The following KDM5A variants were observed in gnomAD, a reference collection of about 807,000 sequenced individuals.
KDM5A encodes lysine demethylase 5A.
In KDM5A, 42 loss-of-function variants were observed where a neutral mutation model predicts 193.5. That is an observed-to-expected ratio of 0.22 (90% CI 0.17 to 0.28). KDM5A has a LOEUF of 0.28. Among genes scored for constraint, KDM5A ranks in the 10% least tolerant of loss-of-function variants. The pLI is 1.00. For missense variants in KDM5A, 1,692 were observed against 2,055.1 expected, an observed-to-expected ratio of 0.82 and a Z score of 3.42; for synonymous variants, 796 against 718.1, an observed-to-expected ratio of 1.11 and a Z score of -1.73.
At chr12:324,123 A>G (rs796228272) in intron 14 of KDM5A, among the ~76,000 whole-genome samples, 3 of 152,104 alleles carry the variant, frequency 2.0e-5, no homozygotes, top group East Asian at 1.9e-4. Flanking sequence ...CCGGGGCAAC[A>G]AAGTGAGCAT....
At chr12:328,802 A>G (rs757380967) in intron 14 of KDM5A, 33 bp downstream of exon 14, 7 of 1,601,886 alleles carry the variant, frequency 4.4e-6, no homozygotes, top group Non-Finnish European at 6.0e-6. Flanking sequence ...CATAAGCAGT[A>G]TCAAACATAG....
chr12:300,326 A>G (rs1400644980), intron 24 of KDM5A, among the ~76,000 whole-genome samples: 1 of 152,156 alleles, frequency 6.6e-6, no homozygotes, highest in Non-Finnish European at 1.5e-5. Flanking sequence ...AAATAATAAC[A>G]AACAGTCTCT....
rs1565519337 is a variant in KDM5A at position 280,719 on chromosome 12, G to A, written c.*4737C>T. Reference sequence around the variant, plus strand: ...CATTTCCTTGTTTTCCCTATTAATGGTTTGTTGCAAAGGGATAAACTTCTC... The same window carrying A: ...CATTTCCTTGTTTTCCCTATTAATGATTTGTTGCAAAGGGATAAACTTCTC... On this transcript the variant is annotated 3_prime_UTR_variant, in exon 28 of 28. Transcript: ENST00000399788. The A allele has an allele frequency of 8.6e-6, 2 of 232,954 alleles. No individual in the cohort carries two copies. The highest frequency in any genetic ancestry group is 1.7e-5 in the Non-Finnish European group (2 of 117,952). 14.4% of individuals were successfully genotyped at this position (232,954 alleles called of 1,614,324 possible). A position where few individuals can be genotyped will look rare whatever the true frequency, so the allele number is the denominator to read the frequency against.
chr12:355,768 A>G (rs1278419450), intron 6 of KDM5A, among the ~76,000 whole-genome samples: 1 of 152,202 alleles, frequency 6.6e-6, no homozygotes, highest in Non-Finnish European at 1.5e-5. Context: ...GAATTGTATG[A>G]CTTTACACAT....
intron 3 of KDM5A, 60 bp downstream of exon 3, chr12:383,970 TA>T (rs1944609363): frequency 3.9e-6 from 6 of 1,541,152 alleles, no homozygotes; most frequent in Non-Finnish European, 5.4e-6. Context: ...CTACCAAATC[TA>T]TTTGATATTC....
intron 10 of KDM5A, among the ~76,000 whole-genome samples, chr12:340,349 T>G (rs569231370): frequency 2.0e-5 from 3 of 152,266 alleles, no homozygotes; most frequent in Non-Finnish European, 2.9e-5. Flanking sequence ...TTGAAGAGAC[T>G]GTATCCCATG....
In KDM5A at chr12:285,223, A is replaced by G; in HGVS notation, c.*233T>C. 1.7e-6 allele frequency: 1 copy of G among 581,980 alleles called. No homozygotes were observed. Among genetic ancestry groups the G allele is most frequent in the Admixed American group, 3.0e-5 (1 of 33,374 alleles). The allele number at this position is 581,980 out of a possible 1,614,324, so 36.1% of individuals were successfully genotyped here. A position where few individuals can be genotyped will look rare whatever the true frequency, so the allele number is the denominator to read the frequency against. On this transcript the variant is annotated 3_prime_UTR_variant, in exon 28 of 28. Transcript: ENST00000399788. Reference sequence around the variant, plus strand: ...TAATGCAGTAAACCACACTCAAAGGAGACATGAAATATTGGCTGTTGTACC... The same window carrying G: ...TAATGCAGTAAACCACACTCAAAGGGGACATGAAATATTGGCTGTTGTACC...
chr12:300,229 C>A (rs1485032390), intron 24 of KDM5A, among the ~76,000 whole-genome samples: 2 of 152,154 alleles, frequency 1.3e-5, no homozygotes, highest in Non-Finnish European at 2.9e-5. Flanking sequence ...GCAGAATACA[C>A]ATTCTGCTCA....
chr12:375,149 T>C (rs1294496624), intron 3 of KDM5A, among the ~76,000 whole-genome samples: 1 of 152,236 alleles, frequency 6.6e-6, no homozygotes, highest in Non-Finnish European at 1.5e-5. Flanking sequence ...GAAGTTCTCC[T>C]GGATAATATC....
Position 318,358 on chromosome 12 carries a change from G to A in KDM5A, c.2645C>T (p.Ser882Phe), listed in dbSNP as rs1176052156. 6.2e-7 allele frequency: 1 copy of A among 1,614,116 alleles called. No homozygotes were observed. The highest frequency in any genetic ancestry group is 8.5e-7 in the Non-Finnish European group (1 of 1,179,998). ...TTCAGGGAGTTCCACATAGAGACTA[G>A]AGCCCATATCTATCAACATCTGGAG... ...SKLQMLIDMG[S>F]SLYVELPELP... The change falls in exon 19 of 28, where the codon TCT (serine) becomes TTT (phenylalanine). Residue 882 changes from serine (S) to phenylalanine (F), a missense_variant. By Grantham distance (155) the Ser-to-Phe change is radical. This residue lies in a region of KDM5A where 965 missense variants were observed against 1,061.0 expected (regional missense o/e 0.91). Coordinates refer to ENST00000399788, the MANE Select transcript of KDM5A (RefSeq NM_001042603.3).
Position 321,000 on chromosome 12 carries a change from C to G in KDM5A, c.2536G>C (p.Val846Leu), listed in dbSNP as rs1430078560. 2.5e-6 allele frequency: 4 copies of G among 1,609,656 alleles called. No individual in the cohort carries two copies. In the Admixed American group the frequency reaches 6.7e-5, roughly 27 times the overall value. The change falls in exon 18 of 28, where the codon GTA becomes CTA. Residue 846 changes from valine to leucine, a missense_variant. By Grantham distance (32) the Val-to-Leu change is conservative. Around this residue, in one of 11 missense-constraint regions of KDM5A, gnomAD observed 965 missense variants for 1,061.0 expected, o/e 0.91. Transcript: ENST00000399788. ...LPCVISQARQVKNLLDDVEEF... is the reference protein window; with the variant it reads ...LPCVISQARQLKNLLDDVEEF... ...AAAAGGATGTAATACTCCACCTTTA[C>G]TTGCCGAGCTTGGCTGATGACACAC...
intron 1 of KDM5A, chr12:387,348 A>T (rs979564670): frequency 4.1e-6 from 1 of 246,344 alleles, no homozygotes; most frequent in African/African-American, 2.4e-5. Context: ...TTATTTCAGC[A>T]TTTTTTTAAG....
rs1465234899 is a variant in KDM5A at position 282,692 on chromosome 12, A to C, written c.*2764T>G. ...AACCTTTGCCAGAGTTAAAATACTA[A>C]TGATGAAGAATTGCAACTTCAGTTG... On this transcript the variant is annotated 3_prime_UTR_variant, in exon 28 of 28. Coordinates refer to ENST00000399788, the MANE Select transcript of KDM5A (RefSeq NM_001042603.3). 8.6e-6 allele frequency: 2 copies of C among 232,828 alleles called. No individual in the cohort carries two copies. The highest frequency in any genetic ancestry group is 5.6e-5 in the Admixed American group (1 of 17,778). The allele number at this position is 232,828 out of a possible 1,614,324, so 14.4% of individuals were successfully genotyped here.
In KDM5A at chr12:310,445, C is replaced by T. The variant is rs949060414; in HGVS notation, c.3216+440G>A. On this transcript the variant is annotated intron_variant, in intron 21 of 27. Transcript: ENST00000399788. ...CAAAGGAGTTCAAGACCAGCCCAGG[C>T]AACATGATGAAATCCCATCTCCACC... Among the ~76,000 whole-genome samples, 86 of 152,160 alleles carry T rather than the reference C, an allele frequency of 5.7e-4. 1 individual carries two copies. In the Middle Eastern group the frequency reaches 0.01, roughly 18 times the overall value.
rs751043146 is a variant in KDM5A at position 284,915 on chromosome 12, TC to T, written c.*540del. 4.1e-6 allele frequency: 1 copy of T among 244,410 alleles called. No individual in the cohort carries two copies. The highest frequency in any genetic ancestry group is 8.1e-6 in the Non-Finnish European group (1 of 123,396). 15.1% of individuals were successfully genotyped at this position (244,410 alleles called of 1,614,324 possible). A position where few individuals can be genotyped will look rare whatever the true frequency, so the allele number is the denominator to read the frequency against. On this transcript the variant is annotated 3_prime_UTR_variant, in exon 28 of 28. Coordinates refer to ENST00000399788, the MANE Select transcript of KDM5A (RefSeq NM_001042603.3). ...TGAGGTCAATAGACTGTGATACCAT[TC>T]CTTGACGTCTAACAGAAATAACTTT...
chr12:308,050 C>T (rs375714742), intron 22 of KDM5A, 45 bp from the exon 23 acceptor site: 49 of 1,557,016 alleles, frequency 3.1e-5, no homozygotes, highest in Non-Finnish European at 4.2e-5. Flanking sequence ...CTGCAATATA[C>T]CCCCCAAAAT....
Sources: allele counts gnomAD v4.1 joint callset (sites outside exome capture counted in the v4.1 genomes callset), GRCh38; gene constraint gnomAD v4.1.1; regional missense constraint gnomAD v4.1.1; transcripts MANE v1.5; gene names NCBI Gene and HGNC (gene_info 2026-07-23, HGNC 2026-07-21).